The following PIP5K1C variants were observed in gnomAD, a reference collection of about 807,000 sequenced individuals.
PIP5K1C encodes the protein phosphatidylinositol 4-phosphate 5-kinase type-1 gamma.
In PIP5K1C, 45 loss-of-function variants were observed where a neutral mutation model predicts 80.1. The observed-to-expected ratio is 0.56, with a 90% CI of 0.44 to 0.72. The LOEUF is 0.72. PIP5K1C is among the 30% of genes least tolerant of loss of function. The pLI is 0.00. For missense variants in PIP5K1C, 753 were observed against 954.6 expected, an observed-to-expected ratio of 0.79 and a Z score of 2.78; for synonymous variants, 498 against 420.1, an observed-to-expected ratio of 1.19 and a Z score of -2.27.
chr19:3,663,687 C>A (rs1293734306), intron 3 of PIP5K1C, among the ~76,000 whole-genome samples: 1 of 152,206 alleles, frequency 6.6e-6, no homozygotes, highest in African/African-American at 2.4e-5. Context: ...AGAGACACCA[C>A]CTCACACCCA....
In PIP5K1C at chr19:3,648,652, C is replaced by G. The variant is rs1460156170; in HGVS notation, c.1184G>C (p.Gly395Ala). The G allele has an allele frequency of 6.2e-7, 1 of 1,612,956 alleles. No homozygotes were observed. Among genetic ancestry groups the G allele is most frequent in the Non-Finnish European group, 8.5e-7 (1 of 1,179,906 alleles). The change falls in exon 9 of 18, where the codon GGC becomes GCC. Residue 395 changes from glycine to alanine, a missense_variant. Physicochemically the swap from Gly to Ala is moderately conservative, Grantham distance 60. Coordinates refer to ENST00000335312, the MANE Select transcript of PIP5K1C (RefSeq NM_012398.3). This position sits in a 1 kb window ranked among gnomAD's most constrained non-coding sequence, Gnocchi z 4.3. Reference sequence around the variant, plus strand: ...GTAGGACTGCAGGATGTCGATGATGCCAATGTGCAGCAGCAGCCGCTCCCC... The same window carrying G: ...GTAGGACTGCAGGATGTCGATGATGGCAATGTGCAGCAGCAGCCGCTCCCC... ...GRGERLLLHIGIIDILQSYRF... is the reference protein window; with the variant it reads ...GRGERLLLHIAIIDILQSYRF...
rs759299020 is a variant in PIP5K1C at position 3,692,505 on chromosome 19, C to A, written c.94+7792G>T. Reference sequence around the variant, plus strand: ...AACTCAATCCCCCCTCAGCCCCACACTCAACCTTCAAAAGGTCCTGCTGGC... The same window carrying A: ...AACTCAATCCCCCCTCAGCCCCACAATCAACCTTCAAAAGGTCCTGCTGGC... On this transcript the variant is annotated intron_variant, in intron 1 of 17. Transcript: ENST00000335312. This position sits in a 1 kb window ranked among gnomAD's most constrained non-coding sequence, Gnocchi z 5.2. Among the ~76,000 whole-genome samples the A allele has an allele frequency of 1.3e-5, 2 of 152,204 alleles. No individual in the cohort carries two copies. Among genetic ancestry groups the A allele is most frequent in the African/African-American group, 4.8e-5 (2 of 41,438 alleles).
chr19:3,679,587 C>T (rs1336967691), intron 1 of PIP5K1C, among the ~76,000 whole-genome samples: 6 of 152,166 alleles, frequency 3.9e-5, no homozygotes, highest in South Asian at 2.1e-4. Flanking sequence ...GCAGCAGCAC[C>T]GGTGAATGGA....
chr19:3,639,716 C>G (rs2033884858), intron 15 of PIP5K1C, among the ~76,000 whole-genome samples: 1 of 152,108 alleles, frequency 6.6e-6, no homozygotes, highest in Non-Finnish European at 1.5e-5. Flanking sequence ...AGACGGAAGC[C>G]TCCGAGCCCA....
Position 3,643,229 on chromosome 19 carries a change from G to A in PIP5K1C, c.1649+14C>T, listed in dbSNP as rs771822119. 2.5e-6 allele frequency: 4 copies of A among 1,612,726 alleles called. No homozygotes were observed. Among genetic ancestry groups the A allele is most frequent in the East Asian group, 2.2e-5 (1 of 44,890 alleles). The stretch of plus-strand genomic sequence containing the variant: ...GGATGCCCCGCCCACATGCACTGCG[G>A]ATGCCTCGCCCACCTGTACCGCGGC... On this transcript the variant is annotated intron_variant, in intron 13 of 17. Coordinates refer to ENST00000335312, the MANE Select transcript of PIP5K1C (RefSeq NM_012398.3).
chr19:3,697,145 G>A (rs528307417), intron 1 of PIP5K1C, among the ~76,000 whole-genome samples: 6 of 149,376 alleles, frequency 4.0e-5, no homozygotes, highest in African/African-American at 7.4e-5. Flanking sequence ...TGAGCCGGAC[G>A]AAGGAGAACC....
intron 2 of PIP5K1C, 46 bp from the exon 3 acceptor site, chr19:3,664,960 C>T: frequency 2.1e-6 from 3 of 1,453,320 alleles, no homozygotes; most frequent in South Asian, 2.3e-5. Context: ...GGAGCACGCC[C>T]ACCGGGACAG....
chr19:3,679,386 G>A (rs181138258), intron 1 of PIP5K1C, among the ~76,000 whole-genome samples: 3 of 152,158 alleles, frequency 2.0e-5, no homozygotes, highest in South Asian at 2.1e-4. Context: ...CTGTCCTCCC[G>A]TTTGGGTCTC....
In PIP5K1C at chr19:3,656,300, C is replaced by A. The variant is rs1043676504; in HGVS notation, c.621+105G>T. On this transcript the variant is annotated intron_variant, in intron 6 of 17. Transcript: ENST00000335312. ...GGGACCCAAGATGCCTCTCACCACG[C>A]CCCAAGGATGCCTGCTTGCCCAAGC... is the stretch of plus-strand genomic sequence containing the variant. 3 of 1,327,574 alleles carry A rather than the reference C, an allele frequency of 2.3e-6. No individual in the cohort carries two copies. In the African/African-American group the frequency reaches 4.3e-5, roughly 19 times the overall value. The allele number at this position is 1,327,574 out of a possible 1,614,324, so 82.2% of individuals were successfully genotyped here. A position where few individuals can be genotyped will look rare whatever the true frequency, so the allele number is the denominator to read the frequency against.
At chr19:3,690,960 C>T (rs1336955497) in intron 1 of PIP5K1C, among the ~76,000 whole-genome samples, 3 of 152,126 alleles carry the variant, frequency 2.0e-5, no homozygotes, top group Non-Finnish European at 2.9e-5. Flanking sequence ...GTGGTGACCC[C>T]GTCTCCCTGG....
At position 3,648,515 on chromosome 19, in the gene PIP5K1C, TGGGGCTGC is replaced by T; in HGVS notation, c.1211+102_1211+109del. The stretch of plus-strand genomic sequence containing the variant: ...GACTGCAGACCCAGGCGCCCACCTG[TGGGGCTGC>T]AGACCCGGGCGCCCACCTGTGGGGC... On this transcript the variant is annotated intron_variant, in intron 9 of 17. Transcript: ENST00000335312. This position sits in a 1 kb window ranked among gnomAD's most constrained non-coding sequence, Gnocchi z 4.3. The T allele has an allele frequency of 4.8e-6, 2 of 419,766 alleles. No homozygotes were observed. Among genetic ancestry groups the T allele is most frequent in the Non-Finnish European group, 9.2e-6 (2 of 217,786 alleles). The allele number at this position is 419,766 out of a possible 1,614,324, so 26.0% of individuals were successfully genotyped here.
At chr19:3,667,551 C>T (rs2035054711) in intron 1 of PIP5K1C, among the ~76,000 whole-genome samples, 198 bp from the exon 2 acceptor site, 1 of 152,192 alleles carries the variant, frequency 6.6e-6, no homozygotes, top group South Asian at 2.1e-4. Flanking sequence ...GCCACTGGGG[C>T]CTGCCATGGT....
At position 3,655,462 on chromosome 19, in the gene PIP5K1C, T is replaced by C. The variant is rs1270193384; in HGVS notation, c.621+943A>G. Among the ~76,000 whole-genome samples the C allele has an allele frequency of 5.9e-5, 9 of 152,272 alleles. No homozygotes were observed. The East Asian group carries it at 9.7e-4, about 16-fold the overall frequency. On this transcript the variant is annotated intron_variant, in intron 6 of 17. Coordinates refer to ENST00000335312, the MANE Select transcript of PIP5K1C (RefSeq NM_012398.3). ...AAAAAAGTGGAGAAATAGAAAATAG[T>C]CTTTGATGACACGTGAAAGTGATAT...
intron 1 of PIP5K1C, among the ~76,000 whole-genome samples, chr19:3,697,042 G>A (rs975572735): frequency 1.3e-5 from 2 of 151,864 alleles, no homozygotes; most frequent in Non-Finnish European, 2.9e-5. Context: ...GACAAAGGAG[G>A]ACTGAGCTGG....
At position 3,653,599 on chromosome 19, in the gene PIP5K1C, G is replaced by A. The variant is rs770049066; in HGVS notation, c.622-10C>T. The A allele has an allele frequency of 1.2e-6, 2 of 1,603,404 alleles. No homozygotes were observed. Among genetic ancestry groups the A allele is most frequent in the East Asian group, 2.2e-5 (1 of 44,694 alleles). ...GGTTCTGGTTGAGGTTCTGCCGGGG[G>A]AAGAGGGCAAGTCGTGGAGGGCGGC... On this transcript the variant is annotated splice_polypyrimidine_tract_variant and intron_variant, in intron 6 of 17. Coordinates refer to ENST00000335312, the MANE Select transcript of PIP5K1C (RefSeq NM_012398.3).
At chr19:3,694,280 G>A (rs916554525) in intron 1 of PIP5K1C, among the ~76,000 whole-genome samples, 7 of 151,606 alleles carry the variant, frequency 4.6e-5, no homozygotes, top group South Asian at 2.1e-4. Context: ...GGGTCTAAGC[G>A]GCCAAGGCAG....
intron 3 of PIP5K1C, among the ~76,000 whole-genome samples, chr19:3,662,835 C>CG (rs1479396269): frequency 6.7e-6 from 1 of 149,986 alleles, no homozygotes; most frequent in Non-Finnish European, 1.5e-5. Context: ...CAAAATGCTG[C>CG]GATTGCACGT....
intron 1 of PIP5K1C, among the ~76,000 whole-genome samples, chr19:3,681,579 G>A (rs747167432): frequency 2.6e-5 from 4 of 152,010 alleles, no homozygotes; most frequent in South Asian, 2.1e-4. Flanking sequence ...GCTGCAGCTC[G>A]TACACACATC....
Sources: gnomAD v4.1 joint callset for allele counts (sites outside exome capture counted in the v4.1 genomes callset) on GRCh38, gnomAD v4.1.1 for gene constraint, Gnocchi (gnomAD v3.1) non-coding constraint, MANE v1.5 for transcripts, NCBI Gene and HGNC (gene_info 2026-07-23, HGNC 2026-07-21) for gene names.